SPART: variants seen among roughly 807,000 people sequenced by gnomAD.
SPART encodes the protein spartin.
In SPART, 35 loss-of-function variants were observed where a neutral mutation model predicts 58.7. The observed-to-expected ratio is 0.60, with a 90% CI of 0.46 to 0.79. The LOEUF (loss-of-function observed/expected upper bound fraction) is 0.79, where lower values mean the gene tolerates loss of function less well. SPART is among the 30% of genes least tolerant of loss of function. SPART has a pLI of 0.00. For synonymous variants in SPART, 284 were observed against 280.7 expected (o/e 1.01, Z -0.12); for missense variants, 730 against 786.1 (o/e 0.93, Z 0.85).
rs1026705092 is a variant in SPART, at chr13:36,304,307, T to C, written c.*58A>G. On this transcript the variant is annotated 3_prime_UTR_variant, in exon 9 of 9. Coordinates refer to ENST00000438666, the MANE Select transcript of SPART (RefSeq NM_015087.5). ...CTGTGAGGAATTCCACATTTGCCTA[T>C]TTAACAAAATTTCATCCATTTCATA... 9 of 1,604,518 alleles carry C rather than the reference T, an allele frequency of 5.6e-6. No homozygotes were observed. The highest frequency in any genetic ancestry group is 1.1e-5 in the South Asian group (1 of 90,796).
Position 36,335,242 on chromosome 13 carries a change from C to G in SPART, c.589G>C (p.Val197Leu). 6.2e-7 allele frequency: 1 copy of G among 1,614,146 alleles called. No homozygotes were observed. The highest frequency in any genetic ancestry group is 1.1e-5 in the South Asian group (1 of 91,072). The change falls in exon 2 of 9, where the codon GTT becomes CTT. Residue 197 changes from valine to leucine, a missense_variant. Coordinates refer to ENST00000438666, the MANE Select transcript of SPART (RefSeq NM_015087.5). Reference protein sequence around the residue: ...YGTDSGEFSSVGEEFYRNHSQ... With the variant: ...YGTDSGEFSSLGEEFYRNHSQ... ...TGATTCCTATAAAACTCCTCTCCAA[C>G]TGATGAAAACTCCCCAGAATCTGTT...
intron 5 of SPART, among the ~76,000 whole-genome samples, chr13:36,320,163 G>C (rs943208545): frequency 5.3e-5 from 8 of 152,096 alleles, no homozygotes; most frequent in African/African-American, 1.4e-4. Context: ...ACTCTCTACA[G>C]TTCTCATAAC....
chr13:36,338,803 A>G (rs949523907), intron 1 of SPART, among the ~76,000 whole-genome samples: 4 of 152,182 alleles, frequency 2.6e-5, no homozygotes, highest in African/African-American at 9.7e-5. Flanking sequence ...ATTGGAAGTT[A>G]TCTTCTTGAG....
intron 5 of SPART, among the ~76,000 whole-genome samples, chr13:36,320,036 C>T (rs368378325): frequency 3.3e-5 from 5 of 152,208 alleles, no homozygotes; most frequent in African/African-American, 1.2e-4. Flanking sequence ...TCCTGTAGCC[C>T]TTCTGTCCAA....
chr13:36,322,244 C>T (rs934335650), intron 5 of SPART, among the ~76,000 whole-genome samples: 9 of 152,096 alleles, frequency 5.9e-5, no homozygotes, highest in African/African-American at 2.2e-4. Context: ...GTCAGAAGCT[C>T]GAGACCAGCC....
intron 1 of SPART, among the ~76,000 whole-genome samples, chr13:36,353,875 T>G (rs1248490601): frequency 2.0e-5 from 3 of 152,224 alleles, no homozygotes; most frequent in Non-Finnish European, 2.9e-5. Flanking sequence ...ACATGCATGT[T>G]CTGTGAATTG....
chr13:36,339,990 T>G (rs1162473844), intron 1 of SPART, among the ~76,000 whole-genome samples: 1 of 151,796 alleles, frequency 6.6e-6, no homozygotes, highest in African/African-American at 2.4e-5. Context: ...ATCACTTGAG[T>G]GCAGGAATTC....
chr13:36,322,336 A>T (rs111704216), intron 5 of SPART, among the ~76,000 whole-genome samples: 1 of 152,172 alleles, frequency 6.6e-6, no homozygotes, highest in Non-Finnish European at 1.5e-5. Context: ...AGTCCCAGCT[A>T]CTCAGGAAGC....
upstream of SPART, among the ~76,000 whole-genome samples, chr13:36,349,061 C>T (rs972781749): frequency 1.3e-5 from 2 of 152,088 alleles, no homozygotes; most frequent in African/African-American, 2.4e-5. Context: ...GTCGGGAGTT[C>T]GAGACCAGCC....
In SPART at chr13:36,365,832, A is replaced by G. The variant is rs1023582897; in HGVS notation, c.-3+4257T>C. 17 of 235,560 alleles carry G rather than the reference A, an allele frequency of 7.2e-5. No individual in the cohort carries two copies. The Middle Eastern group carries it at 1.4e-3, about 19-fold the overall frequency. 14.6% of individuals were successfully genotyped at this position (235,560 alleles called of 1,614,324 possible). A position where few individuals can be genotyped will look rare whatever the true frequency, so the allele number is the denominator to read the frequency against. The stretch of plus-strand genomic sequence containing the variant: ...CCTATCACCTCACTCTAGAATGCCC[A>G]GCATGTTGGAGGTAAGAGCTCATCT... On this transcript the variant is annotated intron_variant, in intron 1 of 8. Coordinates refer to the SPART transcript ENST00000355182.
intron 5 of SPART, among the ~76,000 whole-genome samples, chr13:36,322,119 A>C (rs1318489898): frequency 8.6e-5 from 13 of 151,986 alleles, no homozygotes; most frequent in South Asian, 6.2e-4. Context: ...GCCCACCTGC[A>C]CCCAGGTGAA....
At chr13:36,330,429 TACACACACACACAC>T (rs10547331) in intron 3 of SPART, among the ~76,000 whole-genome samples, 1 of 150,118 alleles carries the variant, frequency 6.7e-6, no homozygotes, top group African/African-American at 2.5e-5. Flanking sequence ...TATATTTTCA[TACACACACACACAC>T]ACACACACAC....
At chr13:36,320,272 C>T (rs531658999) in intron 5 of SPART, among the ~76,000 whole-genome samples, 4 of 152,248 alleles carry the variant, frequency 2.6e-5, no homozygotes, top group South Asian at 2.1e-4. Context: ...CCACAATTAC[C>T]GTTGTTCCTG....
intron 1 of SPART, chr13:36,365,766 C>T (rs747371517): frequency 1.9e-5 from 6 of 319,994 alleles, no homozygotes; most frequent in Admixed American, 9.1e-5. Flanking sequence ...ATGGAACAGG[C>T]GAGCTGTGAA....
chr13:36,314,810 C>T (rs1453679079), intron 5 of SPART, among the ~76,000 whole-genome samples: 1 of 152,142 alleles, frequency 6.6e-6, no homozygotes, highest in African/African-American at 2.4e-5. Context: ...TTCTTTTTGC[C>T]TTAGGCCAGG....
chr13:36,333,656 T>C (rs1883679941), intron 2 of SPART, among the ~76,000 whole-genome samples: 1 of 152,138 alleles, frequency 6.6e-6, no homozygotes. Flanking sequence ...AAAGTACAAG[T>C]CATTTCAATG....
Position 36,369,728 on chromosome 13 carries a change from T to C in SPART, c.-3+361A>G, listed in dbSNP as rs144987424. On this transcript the variant is annotated intron_variant, in intron 1 of 8. Coordinates refer to the SPART transcript ENST00000355182. ...AGCTCTCTCTTTCATCTGCTTTATG[T>C]TGCCATTTTCCCTCATTGCCCTCTC... 12 of 152,366 alleles carry C rather than the reference T, an allele frequency of 7.9e-5. No individual in the cohort carries two copies. In the East Asian group the frequency reaches 2.3e-3, roughly 29 times the overall value. The allele number at this position is 152,366 out of a possible 1,614,324, so 9.4% of individuals were successfully genotyped here.
At chr13:36,342,659 A>G (rs1425380248) in intron 1 of SPART, among the ~76,000 whole-genome samples, 1 of 152,144 alleles carries the variant, frequency 6.6e-6, no homozygotes, top group Non-Finnish European at 1.5e-5. Flanking sequence ...GACATTGCCA[A>G]ATGTACTTTG....
At chr13:36,347,400 G>A (rs961139791), upstream of SPART, among the ~76,000 whole-genome samples, 2 of 152,092 alleles carry the variant, frequency 1.3e-5, no homozygotes, top group African/African-American at 2.4e-5. Context: ...TGTATTTTTA[G>A]TAGAGACGGG....
Sources: gnomAD v4.1 joint callset for allele counts (sites outside exome capture counted in the v4.1 genomes callset) on GRCh38, gnomAD v4.1.1 for gene constraint, MANE v1.5 for transcripts, NCBI Gene and HGNC (gene_info 2026-07-23, HGNC 2026-07-21) for gene names.